Variants in HSPA4 observed in about 807,000 individuals in gnomAD.
HSPA4 encodes heat shock 70 kDa protein 4.
HSPA4 carries 25 observed loss-of-function variants against 106.2 expected under a neutral mutation model. That is an observed-to-expected ratio of 0.24 (90% CI 0.17 to 0.33). The LOEUF is 0.33. Among genes scored for constraint, HSPA4 ranks in the 10% least tolerant of loss-of-function variants. The pLI is 1.00. For synonymous variants in HSPA4, 332 were observed against 333.6 expected (o/e 1.00, Z 0.05); for missense variants, 841 against 996.0 (o/e 0.84, Z 2.10).
Position 133,083,678 on chromosome 5 carries a change from C to T in HSPA4, c.909-3104C>T, listed in dbSNP as rs373691279. On this transcript the variant is annotated intron_variant, in intron 7 of 18. Transcript: ENST00000304858. ...TCAGCTTCCCAAGTAGCTGGGGTTA[C>T]AGGCATGCACCACCACACCCAGCTA... is the stretch of plus-strand genomic sequence containing the variant. 3.9e-5 allele frequency among the ~76,000 whole-genome samples: 6 copies of T among 152,164 alleles called. No individual in the cohort carries two copies. In the East Asian group the frequency reaches 5.8e-4, roughly 15 times the overall value.
At chr5:133,054,898 C>T (rs1035491426) in intron 1 of HSPA4, among the ~76,000 whole-genome samples, 23 of 152,264 alleles carry the variant, frequency 1.5e-4, no homozygotes, top group Admixed American at 1.3e-3. Context: ...TGATTGAACA[C>T]GCTTTAGTTC....
chr5:133,052,355 G>T lies in HSPA4; in HGVS notation c.105G>T (p.Thr35=). 6.5e-7 allele frequency: 1 copy of T among 1,546,058 alleles called. No homozygotes were observed. Among genetic ancestry groups the T allele is most frequent in the Non-Finnish European group, 8.7e-7 (1 of 1,146,432 alleles). The part of the protein sequence containing the change: ...TIANEYSDRC[T]PACISFGPKN... ...CTAATGAGTATAGCGACCGCTGCAC[G>T]CCGTAAGTGTGGGCCGGGCCTGCCG... Residue 35 remains threonine (T), a splice_region_variant and synonymous_variant, in exon 1 of 19, where the codon ACG becomes ACT. Coordinates refer to ENST00000304858, the MANE Select transcript of HSPA4 (RefSeq NM_002154.4).
chr5:133,067,443 C>T lies in HSPA4; in HGVS notation c.192C>T (p.Val64=). The change falls in exon 3 of 19, where the codon GTC becomes GTT. Residue 64 remains valine, a synonymous_variant. Coordinates refer to ENST00000304858, the MANE Select transcript of HSPA4 (RefSeq NM_002154.4). ...SQVISNAKNT[V]QGFKRFHGRA... is the part of the protein sequence containing the mutation. ...TAATTTCTAATGCAAAGAACACAGT[C>T]CAAGGATTTAAAAGATTCCATGGCC... 1 of 1,613,472 alleles carries T rather than the reference C, an allele frequency of 6.2e-7. No homozygotes were observed. The highest frequency in any genetic ancestry group is 8.5e-7 in the Non-Finnish European group (1 of 1,179,510).
rs1765863299 is a variant in HSPA4 at position 133,106,341 on chromosome 5, A to G, written c.*1905A>G. 1 of 151,604 alleles carries G rather than the reference A, an allele frequency of 6.6e-6. No individual in the cohort carries two copies. Among genetic ancestry groups the G allele is most frequent in the Admixed American group, 6.6e-5 (1 of 15,200 alleles). The allele number at this position is 151,604 out of a possible 1,614,324, so 9.4% of individuals were successfully genotyped here. A position where few individuals can be genotyped will look rare whatever the true frequency, so the allele number is the denominator to read the frequency against. Reference sequence around the variant, plus strand: ...GCATTTATCCAGGTTGCGTTATCCAAACTGATTTGTTAAAGCTCCAGGTCA... The same window carrying G: ...GCATTTATCCAGGTTGCGTTATCCAGACTGATTTGTTAAAGCTCCAGGTCA... On this transcript the variant is annotated 3_prime_UTR_variant, in exon 19 of 19. Coordinates refer to ENST00000304858, the MANE Select transcript of HSPA4 (RefSeq NM_002154.4).
intron 7 of HSPA4, among the ~76,000 whole-genome samples, chr5:133,077,398 C>T (rs1765459086): frequency 6.6e-6 from 1 of 152,138 alleles, no homozygotes; most frequent in African/African-American, 2.4e-5. Context: ...CCACCACGCC[C>T]AGCTAATTTT....
chr5:133,099,112 C>T (rs971719369), intron 15 of HSPA4, among the ~76,000 whole-genome samples: 1 of 152,058 alleles, frequency 6.6e-6, no homozygotes, highest in Admixed American at 6.6e-5. Context: ...TATCTCCCAT[C>T]TCCTTACTCC....
Position 133,099,587 on chromosome 5 carries a change from T to G in HSPA4, c.1972T>G (p.Trp658Gly). ...TTTGAAACTGGAAGATACTGAAAAT[T>G]GGTTGTATGAGGATGGAGAAGACCA... The part of the protein sequence containing the change: ...FTLKLEDTEN[W>G]LYEDGEDQPK... Residue 658 changes from tryptophan to glycine, a missense_variant, in exon 16 of 19, where the codon TGG becomes GGG. Around this residue, in one of 5 missense-constraint regions of HSPA4, gnomAD observed 328 missense variants for 372.2 expected, o/e 0.88. Transcript: ENST00000304858. 6.2e-7 allele frequency: 1 copy of G among 1,604,608 alleles called. No homozygotes were observed. Among genetic ancestry groups the G allele is most frequent in the Non-Finnish European group, 8.5e-7 (1 of 1,172,564 alleles).
In HSPA4 at chr5:133,088,572, T is replaced by C; in HGVS notation, c.1137+17T>C. 1 of 1,602,010 alleles carries C rather than the reference T, an allele frequency of 6.2e-7. No homozygotes were observed. Among genetic ancestry groups the C allele is most frequent in the Non-Finnish European group, 8.6e-7 (1 of 1,169,356 alleles). On this transcript the variant is annotated intron_variant, in intron 9 of 18. Transcript: ENST00000304858. ...GCATTGCAGGTGAATATTCTTTCTTTTATAGGTAACCATTTATAAATCATT... is the reference window on the plus strand; with the variant it reads ...GCATTGCAGGTGAATATTCTTTCTTCTATAGGTAACCATTTATAAATCATT...
intron 1 of HSPA4, among the ~76,000 whole-genome samples, chr5:133,060,574 C>G (rs758216319): frequency 2.6e-5 from 4 of 152,086 alleles, no homozygotes; most frequent in African/African-American, 4.8e-5. Flanking sequence ...GTTGTCCAGG[C>G]TGGTCTCAAA....
chr5:133,072,965 C>T (rs1282992516), intron 4 of HSPA4, among the ~76,000 whole-genome samples: 1 of 152,146 alleles, frequency 6.6e-6, no homozygotes, highest in African/African-American at 2.4e-5. Flanking sequence ...CAGTTTCTGG[C>T]CTTTATATTA....
At chr5:133,073,548 C>T (rs1228694036) in intron 5 of HSPA4, among the ~76,000 whole-genome samples, 1 of 152,198 alleles carries the variant, frequency 6.6e-6, no homozygotes, top group Admixed American at 6.5e-5. Flanking sequence ...TATTTAAACA[C>T]ATGCTTGTTG....
chr5:133,081,493 G>GT (rs901121737), intron 7 of HSPA4, among the ~76,000 whole-genome samples: 4 of 151,958 alleles, frequency 2.6e-5, no homozygotes, highest in African/African-American at 9.7e-5. Context: ...ATAACTTTAG[G>GT]TAGGGCCCAG....
At chr5:133,101,922 T>A in intron 17 of HSPA4, 44 bp downstream of exon 17, 193 of 101,090 alleles carry the variant, frequency 1.9e-3, no homozygotes, top group Non-Finnish European at 2.7e-3. Context: ...TAAAGTTAAC[T>A]TTTTTTTTTT....
At chr5:133,076,988 C>A in intron 7 of HSPA4, 90 bp downstream of exon 7, 3 of 1,157,400 alleles carry the variant, frequency 2.6e-6, no homozygotes, top group African/African-American at 1.5e-5. Flanking sequence ...AAAATAATCA[C>A]GGAGGTTATA....
At position 133,052,116 on chromosome 5, in the gene HSPA4, C is replaced by T; in HGVS notation, c.-135C>T. 1 of 627,574 alleles carries T rather than the reference C, an allele frequency of 1.6e-6. No homozygotes were observed. Among genetic ancestry groups the T allele is most frequent in the Non-Finnish European group, 2.8e-6 (1 of 357,888 alleles). The allele number at this position is 627,574 out of a possible 1,614,324, so 38.9% of individuals were successfully genotyped here. A position where few individuals can be genotyped will look rare whatever the true frequency, so the allele number is the denominator to read the frequency against. Reference sequence around the variant, plus strand: ...GCAGTACCCACTGGAAGGACTTAGGCGCTCGCGTGGACACCGCAAGCCCCT... The same window carrying T: ...GCAGTACCCACTGGAAGGACTTAGGTGCTCGCGTGGACACCGCAAGCCCCT... On this transcript the variant is annotated 5_prime_UTR_variant, in exon 1 of 19. Transcript: ENST00000304858.
At chr5:133,065,066 C>G (rs767914805) in intron 2 of HSPA4, 29 bp downstream of exon 2, 2 of 1,569,054 alleles carry the variant, frequency 1.3e-6, no homozygotes, top group Non-Finnish European at 8.8e-7. Flanking sequence ...CCTAAAATGA[C>G]TTATTTCTCC....
chr5:133,071,859 T>C (rs1299386344), intron 4 of HSPA4, among the ~76,000 whole-genome samples: 1 of 152,218 alleles, frequency 6.6e-6, no homozygotes, highest in African/African-American at 2.4e-5. Flanking sequence ...AAATTCTGTG[T>C]TCCTTTAAAA....
intron 13 of HSPA4, 34 bp from the exon 14 acceptor site, chr5:133,096,064 A>G: frequency 6.3e-7 from 1 of 1,595,298 alleles, no homozygotes; most frequent in East Asian, 2.3e-5. Context: ...TAGTCTGTAT[A>G]TGTGTTTGTT....
intron 2 of HSPA4, among the ~76,000 whole-genome samples, chr5:133,066,745 T>C (rs1489075691): frequency 6.6e-6 from 1 of 151,076 alleles, no homozygotes; most frequent in East Asian, 1.9e-4. Context: ...TCTTTTTTTT[T>C]TTTTTTTTGA....
Sources: gnomAD v4.1 joint callset for allele counts (sites outside exome capture counted in the v4.1 genomes callset) on GRCh38, gnomAD v4.1.1 for gene constraint, gnomAD v4.1.1 regional missense constraint, MANE v1.5 for transcripts, NCBI Gene and HGNC (gene_info 2026-07-23, HGNC 2026-07-21) for gene names.